Variants in EXOC4 observed in about 807,000 individuals in gnomAD.
EXOC4 encodes the protein exocyst complex component 4.
EXOC4 carries 71 observed loss-of-function variants against 107.2 expected under a neutral mutation model. That is an observed-to-expected ratio of 0.66 (90% CI 0.55 to 0.81). EXOC4 has a LOEUF of 0.81. Among genes scored for constraint, EXOC4 ranks in the 30% least tolerant of loss-of-function variants. The pLI is 0.00. For synonymous variants in EXOC4, 456 were observed against 441.2 expected (o/e 1.03, Z -0.42); for missense variants, 1,108 against 1,189.6 (o/e 0.93, Z 1.01).
rs1418490024 is a variant in EXOC4 at position 134,026,359 on chromosome 7, TGTCTATTTCTGA to T, written c.2687+18526_2687+18537del. ...CCACGGAAGGACTCTTGATGGGCTC[TGTCTATTTCTGA>T]GCCAATTCCTGTGGCCCAGAGGAAT... On this transcript the variant is annotated intron_variant, in intron 17 of 17. Transcript: ENST00000253861. 3.9e-5 allele frequency among the ~76,000 whole-genome samples: 6 copies of T among 151,922 alleles called. No individual in the cohort carries two copies. In the East Asian group the frequency reaches 1.2e-3, roughly 29 times the overall value.
rs144014262 is a variant in EXOC4, at chr7:133,804,423, A to G, written c.1515-12902A>G. On this transcript the variant is annotated intron_variant, in intron 10 of 17. Transcript: ENST00000253861. ...CTTTGCCAGTTAATCAAGTGATAGT[A>G]AACTTAAGAGTGTGATAAGAAATAA... Among the ~76,000 whole-genome samples the G allele has an allele frequency of 3.3e-5, 5 of 152,296 alleles. No homozygotes were observed. In the East Asian group the frequency reaches 9.6e-4, roughly 29 times the overall value.
chr7:133,857,873 G>T (rs1048082196), intron 11 of EXOC4, among the ~76,000 whole-genome samples: 2 of 152,094 alleles, frequency 1.3e-5, no homozygotes, highest in African/African-American at 4.8e-5. Context: ...TCGGGCGTGG[G>T]GGGAGGCATG....
At chr7:133,914,884 T>C (rs144380487) in intron 12 of EXOC4, among the ~76,000 whole-genome samples, 34 of 152,190 alleles carry the variant, frequency 2.2e-4, no homozygotes, top group Non-Finnish European at 4.4e-4. Context: ...CTACAAGAAC[T>C]ACCAAAGAAT....
At chr7:133,257,240 G>T (rs1267839929) in intron 1 of EXOC4, among the ~76,000 whole-genome samples, 1 of 151,934 alleles carries the variant, frequency 6.6e-6, no homozygotes, top group Non-Finnish European at 1.5e-5. Context: ...GAACTAACCG[G>T]GGGGGACAGA....
intron 3 of EXOC4, among the ~76,000 whole-genome samples, chr7:133,303,561 A>G (rs1390267657): frequency 6.6e-6 from 1 of 152,248 alleles, no homozygotes; most frequent in East Asian, 1.9e-4. Flanking sequence ...AAGGGAAGAC[A>G]GTGGCCTTGT....
intron 10 of EXOC4, among the ~76,000 whole-genome samples, chr7:133,805,200 A>C (rs994465075): frequency 2.6e-5 from 4 of 152,230 alleles, no homozygotes; most frequent in Non-Finnish European, 5.9e-5. Flanking sequence ...GCATCTGGGA[A>C]AACTTTGTGA....
At chr7:133,544,057 C>T (rs760309862) in intron 9 of EXOC4, among the ~76,000 whole-genome samples, 1 of 152,210 alleles carries the variant, frequency 6.6e-6, no homozygotes, top group South Asian at 2.1e-4. Flanking sequence ...ATTATTATTA[C>T]ATACATATAT....
At chr7:133,400,724 G>A (rs1055677174) in intron 7 of EXOC4, among the ~76,000 whole-genome samples, 3 of 152,154 alleles carry the variant, frequency 2.0e-5, no homozygotes, top group Admixed American at 1.3e-4. Flanking sequence ...TTTGTTTTGG[G>A]CCCTCCTTTC....
chr7:133,589,361 G>A lies in EXOC4; in HGVS notation c.1418-40684G>A, dbSNP rs138627858. Among the ~76,000 whole-genome samples the A allele has an allele frequency of 8.5e-5, 13 of 152,288 alleles. No homozygotes were observed. The East Asian group carries it at 1.7e-3, about 20-fold the overall frequency. ...GCCCTGAGCATCTCAAAAAACTGTTGCTATGACCTGTGCTCTTCACCTGTC... is the reference window on the plus strand; with the variant it reads ...GCCCTGAGCATCTCAAAAAACTGTTACTATGACCTGTGCTCTTCACCTGTC... On this transcript the variant is annotated intron_variant, in intron 9 of 17. Coordinates refer to ENST00000253861, the MANE Select transcript of EXOC4 (RefSeq NM_021807.4).
intron 10 of EXOC4, among the ~76,000 whole-genome samples, chr7:133,706,590 T>C (rs775740775): frequency 1.3e-5 from 2 of 152,252 alleles, no homozygotes; most frequent in Non-Finnish European, 2.9e-5. Flanking sequence ...TAATACATTT[T>C]ATTGCACCCA....
chr7:133,719,460 A>G (rs1428976584), intron 10 of EXOC4, among the ~76,000 whole-genome samples: 1 of 151,954 alleles, frequency 6.6e-6, no homozygotes, highest in African/African-American at 2.4e-5. Flanking sequence ...CTTTTAGGCT[A>G]GAAGTAATTT....
intron 7 of EXOC4, among the ~76,000 whole-genome samples, chr7:133,403,433 G>C (rs1029647415): frequency 6.6e-6 from 1 of 152,188 alleles, no homozygotes; most frequent in South Asian, 2.1e-4. Flanking sequence ...GTTTGACCCA[G>C]AGCTGAAGTT....
intron 3 of EXOC4, among the ~76,000 whole-genome samples, chr7:133,300,984 T>C (rs929316078): frequency 2.0e-5 from 3 of 152,100 alleles, no homozygotes; most frequent in South Asian, 2.1e-4. Flanking sequence ...AATGTAGAAA[T>C]AGTTGGTGAA....
At chr7:134,009,612 G>T (rs1794721394) in intron 17 of EXOC4, among the ~76,000 whole-genome samples, 1 of 152,158 alleles carries the variant, frequency 6.6e-6, no homozygotes, top group Admixed American at 6.6e-5. Flanking sequence ...AGGTGTGACT[G>T]AATGCTGCAT....
chr7:133,321,233 G>C (rs1190278864), intron 5 of EXOC4, among the ~76,000 whole-genome samples: 1 of 151,066 alleles, frequency 6.6e-6, no homozygotes, highest in Non-Finnish European at 1.5e-5. Context: ...TAAACAAGTT[G>C]TTTTTCACGT....
chr7:133,929,080 G>A (rs1379047326), intron 13 of EXOC4, among the ~76,000 whole-genome samples: 4 of 151,808 alleles, frequency 2.6e-5, no homozygotes, highest in South Asian at 2.1e-4. Flanking sequence ...CTACAGGCAC[G>A]CACCGCCACA....
chr7:133,683,040 A>G (rs933904803), intron 10 of EXOC4, among the ~76,000 whole-genome samples: 15 of 152,180 alleles, frequency 9.9e-5, no homozygotes, highest in African/African-American at 2.4e-4. Context: ...GGCTCATTTA[A>G]AAGTCCTCCC....
At chr7:133,429,111 T>A (rs1797794184) in intron 7 of EXOC4, among the ~76,000 whole-genome samples, 1 of 152,070 alleles carries the variant, frequency 6.6e-6, no homozygotes. Context: ...AGAACAATGA[T>A]GAAGGAGAAG....
rs61548710 is a variant in EXOC4 at position 133,604,710 on chromosome 7, C to CTTTTTTT, written c.1418-25310_1418-25304dup. On this transcript the variant is annotated intron_variant, in intron 9 of 17. Transcript: ENST00000253861. ...TCTTTCCTTCCTTCCTTCCTTCTTT[C>CTTTTTTT]TTTTTTTTTTTTTTTTTTTTTTTTT... 3.8e-3 allele frequency among the ~76,000 whole-genome samples: 192 copies of CTTTTTTT among 50,290 alleles called. 1 individual carries two copies. Among genetic ancestry groups the CTTTTTTT allele is most frequent in the Non-Finnish European group, 4.1e-3 (119 of 28,998 alleles). The allele number at this position is 50,290 out of a possible 152,430, so 33.0% of individuals were successfully genotyped here.
Sources: allele counts gnomAD v4.1 joint callset (sites outside exome capture counted in the v4.1 genomes callset), GRCh38; gene constraint gnomAD v4.1.1; transcripts MANE v1.5; gene names NCBI Gene and HGNC (gene_info 2026-07-23, HGNC 2026-07-21).